RORB: variants seen among roughly 807,000 people sequenced by gnomAD.
RORB encodes RAR related orphan receptor B, also known as nuclear receptor ROR-beta.
Under a neutral mutation model 59.1 loss-of-function variants are expected in RORB, and 6 were observed. The ratio of observed to expected loss-of-function variants is 0.10; its 90% CI spans 0.06 to 0.20. The LOEUF (loss-of-function observed/expected upper bound fraction) is 0.20, where lower values mean the gene tolerates loss of function less well. Ranked by LOEUF, RORB falls within the 10% of genes least tolerant of loss-of-function variation. The pLI is 1.00. For synonymous variants in RORB, 215 were observed against 204.5 expected (o/e 1.05, Z -0.44); for missense variants, 320 against 560.5 (o/e 0.57, Z 4.33).
At chr9:74,589,505 C>T (rs964606317) in intron 1 of RORB, among the ~76,000 whole-genome samples, 2 of 152,108 alleles carry the variant, frequency 1.3e-5, no homozygotes, top group African/African-American at 4.8e-5. Flanking sequence ...TTGTAAACCT[C>T]GTTCTTAAAA....
intron 1 of RORB, among the ~76,000 whole-genome samples, chr9:74,559,982 G>C (rs1281469074): frequency 2.8e-4 from 42 of 152,132 alleles, no homozygotes; most frequent in Non-Finnish European, 8.8e-5. Flanking sequence ...AATGTCATTT[G>C]AATGTATTAA....
chr9:74,567,894 A>C (rs568915506), intron 1 of RORB, among the ~76,000 whole-genome samples: 1 of 152,338 alleles, frequency 6.6e-6, no homozygotes, highest in African/African-American at 2.4e-5. Flanking sequence ...CAGAGGAAGC[A>C]TCAAGAACTG....
chr9:74,504,433 G>T (rs1225146605), intron 1 of RORB, among the ~76,000 whole-genome samples: 1 of 151,916 alleles, frequency 6.6e-6, no homozygotes, highest in Non-Finnish European at 1.5e-5. Context: ...AAGCCAAAAC[G>T]AACATCTTGC....
chr9:74,577,619 GGTGA>G (rs1822657315), intron 1 of RORB, among the ~76,000 whole-genome samples: 1 of 152,050 alleles, frequency 6.6e-6, no homozygotes, highest in Non-Finnish European at 1.5e-5. Context: ...GTTAGCAGAA[GGTGA>G]CACCCATTAT....
chr9:74,652,466 T>C (rs1252140741), intron 4 of RORB, among the ~76,000 whole-genome samples: 7 of 152,240 alleles, frequency 4.6e-5, no homozygotes, highest in Admixed American at 4.6e-4. Context: ...TGTTAATCAC[T>C]TTATTAATCT....
intron 1 of RORB, among the ~76,000 whole-genome samples, chr9:74,570,568 A>G (rs901608737): frequency 6.6e-6 from 1 of 152,192 alleles, no homozygotes; most frequent in African/African-American, 2.4e-5. Context: ...TTATGCCAAA[A>G]AGAGTATTTA....
At chr9:74,571,000 T>G (rs951268381) in intron 1 of RORB, among the ~76,000 whole-genome samples, 1 of 151,300 alleles carries the variant, frequency 6.6e-6, no homozygotes, top group Non-Finnish European at 1.5e-5. Context: ...AATTAAATGA[T>G]TGCTAGTTTT....
intron 1 of RORB, among the ~76,000 whole-genome samples, chr9:74,523,907 T>C (rs1280499367): frequency 6.6e-6 from 1 of 151,704 alleles, no homozygotes; most frequent in African/African-American, 2.4e-5. Flanking sequence ...AGCTGTGAAA[T>C]GCTCTTGAGA....
chr9:74,539,363 T>G (rs1204694073), intron 1 of RORB, among the ~76,000 whole-genome samples: 1 of 152,210 alleles, frequency 6.6e-6, no homozygotes, highest in Non-Finnish European at 1.5e-5. Context: ...TTAGAGAAAC[T>G]ACTTCTATCA....
rs1364667115 is a variant in RORB at position 74,585,717 on chromosome 9, AC to A, written c.8-44562del. Among the ~76,000 whole-genome samples, 4 of 151,990 alleles carry A rather than the reference AC, an allele frequency of 2.6e-5. No individual in the cohort carries two copies. In the East Asian group the frequency reaches 7.8e-4, roughly 29 times the overall value. On this transcript the variant is annotated intron_variant, in intron 1 of 9. Coordinates refer to ENST00000376896, the MANE Select transcript of RORB (RefSeq NM_006914.4). Reference sequence around the variant, plus strand: ...TTGTGCATATTACCACTCAATTCTAACCCTATGTAAGCTCATGAGCATTTAG... The same window carrying A: ...TTGTGCATATTACCACTCAATTCTAACCTATGTAAGCTCATGAGCATTTAG...
chr9:74,592,913 G>A (rs1446529939), intron 1 of RORB, among the ~76,000 whole-genome samples: 2 of 151,984 alleles, frequency 1.3e-5, no homozygotes, highest in Admixed American at 6.6e-5. Flanking sequence ...AGGAGAGCTA[G>A]GGGAAGCTGT....
In RORB at chr9:74,624,115, CTTCTT is replaced by C. The variant is rs543104888; in HGVS notation, c.8-6164_8-6160del. On this transcript the variant is annotated intron_variant, in intron 1 of 9. Transcript: ENST00000376896. ...TACACATGATGCCTTTGAAAATGAT[CTTCTT>C]TTGTCATTATCATATGGTAGTAATT... Among the ~76,000 whole-genome samples the C allele has an allele frequency of 5.8e-3, 885 of 152,150 alleles. 5 individuals carry two copies. Among genetic ancestry groups the C allele is most frequent in the Non-Finnish European group, 8.4e-3 (574 of 67,986 alleles).
chr9:74,637,609 C>T (rs943335753), intron 3 of RORB, among the ~76,000 whole-genome samples: 2 of 151,924 alleles, frequency 1.3e-5, no homozygotes, highest in Non-Finnish European at 2.9e-5. Context: ...TACCTACACC[C>T]TTTACAAAGG....
At position 74,575,207 on chromosome 9, in the gene RORB, C is replaced by G. The variant is rs867362790; in HGVS notation, c.8-55075C>G. ...TCACATTGTTTACTCTTTAAAATTACCCGGTATTACTCTTCTCATTTTACA... is the reference window on the plus strand; with the variant it reads ...TCACATTGTTTACTCTTTAAAATTAGCCGGTATTACTCTTCTCATTTTACA... On this transcript the variant is annotated intron_variant, in intron 1 of 9. Coordinates refer to ENST00000376896, the MANE Select transcript of RORB (RefSeq NM_006914.4). Among the ~76,000 whole-genome samples the G allele has an allele frequency of 9.2e-5, 14 of 152,020 alleles. No homozygotes were observed. In the South Asian group the frequency reaches 2.5e-3, roughly 27 times the overall value.
At chr9:74,521,455 T>A (rs923467960) in intron 1 of RORB, among the ~76,000 whole-genome samples, 1 of 151,948 alleles carries the variant, frequency 6.6e-6, no homozygotes, top group Middle Eastern at 3.4e-3. Context: ...AAATTCAGAT[T>A]TTAAAATCTA....
At chr9:74,505,067 G>T (rs1317775849) in intron 1 of RORB, among the ~76,000 whole-genome samples, 1 of 151,968 alleles carries the variant, frequency 6.6e-6, no homozygotes. Context: ...CCTTAAAAAA[G>T]AAACAGCAAG....
Position 74,609,893 on chromosome 9 carries a change from A to G in RORB, c.8-20389A>G, listed in dbSNP as rs544657911. 4.5e-4 allele frequency among the ~76,000 whole-genome samples: 68 copies of G among 152,356 alleles called. 1 individual carries two copies. Among genetic ancestry groups the G allele is most frequent in the Middle Eastern group, 3.4e-3 (1 of 294 alleles). On this transcript the variant is annotated intron_variant, in intron 1 of 9. Transcript: ENST00000376896. ...GTCATAAGTGAGGGGCAACACTGGC[A>G]TCTAGTGGATAGAGGCCAAGGATGT...
chr9:74,678,874 AT>A (rs1824491312), intron 9 of RORB, among the ~76,000 whole-genome samples: 1 of 152,024 alleles, frequency 6.6e-6, no homozygotes, highest in East Asian at 1.9e-4. Context: ...TTTATCAAAA[AT>A]ACAAAAATTG....
intron 1 of RORB, among the ~76,000 whole-genome samples, chr9:74,557,827 G>C (rs1489525941): frequency 4.6e-5 from 7 of 151,466 alleles, no homozygotes; most frequent in Admixed American, 2.6e-4. Context: ...CCTTTTTTTT[G>C]GTTTTGCTTT....
Sources: gnomAD v4.1 joint callset for allele counts (sites outside exome capture counted in the v4.1 genomes callset) on GRCh38, gnomAD v4.1.1 for gene constraint, MANE v1.5 for transcripts, NCBI Gene and HGNC (gene_info 2026-07-23, HGNC 2026-07-21) for gene names.